GSE1: variants seen among roughly 807,000 people sequenced by gnomAD.
GSE1 encodes genetic suppressor element 1.
A neutral mutation model predicts 112.6 loss-of-function variants in GSE1; 32 were observed. The observed-to-expected ratio is 0.28, with a 90% CI of 0.21 to 0.38. GSE1 has a LOEUF of 0.38. Ranked by LOEUF, GSE1 falls within the 10% of genes least tolerant of loss-of-function variation. The pLI is 1.00. For missense variants in GSE1, 2,348 were observed against 1,699.2 expected (o/e 1.38, Z -6.71); for synonymous variants, 1,115 against 735.6 (o/e 1.52, Z -8.35).
At chr16:85,387,928 A>ATGGC (rs1230151306) in intron 2 of GSE1, among the ~76,000 whole-genome samples, 3 of 149,348 alleles carry the variant, frequency 2.0e-5, no homozygotes, top group African/African-American at 7.4e-5. Context: ...GAGTGGATGG[A>ATGGC]TGGATGGATG....
At chr16:85,184,597 A>G (rs1567595677) in intron 1 of GSE1, among the ~76,000 whole-genome samples, 1 of 152,214 alleles carries the variant, frequency 6.6e-6, no homozygotes. Context: ...AATTAAAGCT[A>G]TGCATGTTCC....
chr16:85,636,903 AC>A (rs1459599322), intron 2 of GSE1, among the ~76,000 whole-genome samples: 1 of 150,852 alleles, frequency 6.6e-6, no homozygotes, highest in Admixed American at 6.6e-5. Flanking sequence ...GGACATGTGG[AC>A]CCCCCAGCTC....
rs1015795695 is a variant in GSE1, at chr16:85,260,105, G to A, written c.2283+88298G>A. On this transcript the variant is annotated intron_variant, in intron 1 of 2. Transcript: ENST00000637419. Reference sequence around the variant, plus strand: ...CCCCACAGGACATAGGGGGCCCTGCGGGGCATGGGCAGCCCCCCCGCAGCA... The same window carrying A: ...CCCCACAGGACATAGGGGGCCCTGCAGGGCATGGGCAGCCCCCCCGCAGCA... Among the ~76,000 whole-genome samples, 3 of 152,122 alleles carry A rather than the reference G, an allele frequency of 2.0e-5. No homozygotes were observed. The East Asian group carries it at 5.8e-4, about 29-fold the overall frequency.
chr16:85,483,171 C>T (rs1474416426), intron 2 of GSE1, among the ~76,000 whole-genome samples: 1 of 152,184 alleles, frequency 6.6e-6, no homozygotes, highest in East Asian at 1.9e-4. Flanking sequence ...ACACTTGGGT[C>T]CCATCCCCAA....
Position 85,672,679 on chromosome 16 carries a change from C to A in GSE1, c.*140C>A, listed in dbSNP as rs140118671. ...CATGCATGAAGCAAAGGATTCCAGG[C>A]TCCAGAAAAAATGAATGAACTCACC... On this transcript the variant is annotated 3_prime_UTR_variant, in exon 16 of 16. Transcript: ENST00000253458. The A allele has an allele frequency of 4.5e-4, 243 of 544,142 alleles. No individual in the cohort carries two copies. The East Asian group carries it at 7.2e-3, about 16-fold the overall frequency. The allele number at this position is 544,142 out of a possible 1,614,324, so 33.7% of individuals were successfully genotyped here.
At chr16:85,510,120 G>T (rs1286924291) in intron 2 of GSE1, among the ~76,000 whole-genome samples, 1 of 152,196 alleles carries the variant, frequency 6.6e-6, no homozygotes, top group African/African-American at 2.4e-5. Flanking sequence ...CCGCCCTGGA[G>T]CCCTCAGGGC....
At chr16:85,397,597 A>G (rs2047997635) in intron 2 of GSE1, among the ~76,000 whole-genome samples, 1 of 152,138 alleles carries the variant, frequency 6.6e-6, no homozygotes, top group Admixed American at 6.5e-5. Flanking sequence ...GTCACCTTCC[A>G]TGCAGGGAGC....
At chr16:85,216,405 C>G (rs1191644857) in intron 1 of GSE1, among the ~76,000 whole-genome samples, 1 of 152,170 alleles carries the variant, frequency 6.6e-6, no homozygotes, top group African/African-American at 2.4e-5. Context: ...TCTCTAACAA[C>G]AAAAGATAAA....
At position 85,674,084 on chromosome 16, in the gene GSE1, T is replaced by C. The variant is rs934303004; in HGVS notation, c.*1545T>C. 7 of 152,286 alleles carry C rather than the reference T, an allele frequency of 4.6e-5. No homozygotes were observed. Among genetic ancestry groups the C allele is most frequent in the African/African-American group, 1.7e-4 (7 of 41,450 alleles). 9.4% of individuals were successfully genotyped at this position (152,286 alleles called of 1,614,324 possible). On this transcript the variant is annotated 3_prime_UTR_variant, in exon 16 of 16. Transcript: ENST00000253458. ...GTGTTTAGATCAAGAAGGCCTCTCT[T>C]GCTCCCAAGGGCCCTCACCAGAGGC...
intron 1 of GSE1, among the ~76,000 whole-genome samples, chr16:85,621,935 G>T (rs1374690136): frequency 6.6e-6 from 1 of 152,086 alleles, no homozygotes; most frequent in Non-Finnish European, 1.5e-5. Context: ...TTCTCATGGC[G>T]CAACAAGAAC....
chr16:85,487,042 G>A (rs149059607), intron 2 of GSE1, among the ~76,000 whole-genome samples: 8 of 152,276 alleles, frequency 5.3e-5, no homozygotes, highest in African/African-American at 1.7e-4. Context: ...CTGATACAGG[G>A]AGGCCTTGGG....
chr16:85,216,721 A>G (rs1213728807), intron 1 of GSE1, among the ~76,000 whole-genome samples: 2 of 152,176 alleles, frequency 1.3e-5, no homozygotes, highest in Non-Finnish European at 2.9e-5. Flanking sequence ...TGGGACTCCC[A>G]GCACCTGCTT....
In GSE1 at chr16:85,407,952, C is replaced by T. The variant is rs191570704; in HGVS notation, c.2464+50309C>T. Among the ~76,000 whole-genome samples, 104 of 46,420 alleles carry T rather than the reference C, an allele frequency of 2.2e-3. 8 individuals carry two copies. Among genetic ancestry groups the T allele is most frequent in the African/African-American group, 5.7e-3 (70 of 12,274 alleles). The allele number at this position is 46,420 out of a possible 152,430, so 30.5% of individuals were successfully genotyped here. ...TCAGGCCCCCCTGGATAATCCTCACCGTTACACTCAGGGTCCCTCTGATAA... is the reference window on the plus strand; with the variant it reads ...TCAGGCCCCCCTGGATAATCCTCACTGTTACACTCAGGGTCCCTCTGATAA... On this transcript the variant is annotated intron_variant, in intron 2 of 2. Transcript: ENST00000637419.
At chr16:85,177,777 A>G (rs1452711366) in intron 1 of GSE1, among the ~76,000 whole-genome samples, 2 of 152,136 alleles carry the variant, frequency 1.3e-5, no homozygotes, top group African/African-American at 4.8e-5. Context: ...CCAAAACGCC[A>G]TGGGGTTCTG....
intron 2 of GSE1, among the ~76,000 whole-genome samples, chr16:85,503,526 C>G (rs1485194449): frequency 6.6e-6 from 1 of 152,184 alleles, no homozygotes; most frequent in African/African-American, 2.4e-5. Flanking sequence ...GGAGCGGGGC[C>G]TCTGGCCCTG....
At chr16:85,193,697 G>A (rs1433027529) in intron 1 of GSE1, among the ~76,000 whole-genome samples, 1 of 152,144 alleles carries the variant, frequency 6.6e-6, no homozygotes, top group Non-Finnish European at 1.5e-5. Context: ...TGGCCTCAGT[G>A]ATCCACCCGC....
At chr16:85,335,369 A>G (rs2046460911) in intron 1 of GSE1, among the ~76,000 whole-genome samples, 1 of 152,190 alleles carries the variant, frequency 6.6e-6, no homozygotes, top group East Asian at 1.9e-4. Flanking sequence ...TCGGCAAGCG[A>G]GTGAGTTCAG....
At chr16:85,605,042 C>T (rs967458834) in intron 1 of GSE1, among the ~76,000 whole-genome samples, 5 of 149,976 alleles carry the variant, frequency 3.3e-5, no homozygotes, top group Non-Finnish European at 7.4e-5. Context: ...TGGTCTCGAT[C>T]TCCTGACCTT....
chr16:85,345,221 C>T (rs932217074), intron 1 of GSE1, among the ~76,000 whole-genome samples: 5 of 152,290 alleles, frequency 3.3e-5, no homozygotes, highest in South Asian at 4.1e-4. Context: ...AAACAAAACC[C>T]AAAGGAAGAA....
Sources: allele counts gnomAD v4.1 joint callset (sites outside exome capture counted in the v4.1 genomes callset), GRCh38; gene constraint gnomAD v4.1.1; transcripts MANE v1.5; gene names NCBI Gene and HGNC (gene_info 2026-07-23, HGNC 2026-07-21).